ANK2: variants seen among roughly 807,000 people sequenced by gnomAD.
ANK2 encodes the protein ankyrin 2.
In ANK2, 83 loss-of-function variants were observed where a neutral mutation model predicts 360.5. The observed-to-expected ratio is 0.23, with a 90% CI of 0.19 to 0.28. The LOEUF (loss-of-function observed/expected upper bound fraction) is 0.28, where lower values mean the gene tolerates loss of function less well. ANK2 is among the 10% of genes least tolerant of loss of function. The probability of loss-of-function intolerance (pLI) is 1.00; values close to 1 mark genes in which losing one functional copy is unlikely to be tolerated. For missense variants in ANK2, 4,201 were observed against 4,795.7 expected (o/e 0.88, Z 3.66); for synonymous variants, 1,740 against 1,759.5 (o/e 0.99, Z 0.28).
chr4:113,291,839 G>C (rs1450233719), intron 20 of ANK2, among the ~76,000 whole-genome samples: 1 of 152,116 alleles, frequency 6.6e-6, no homozygotes, highest in Non-Finnish European at 1.5e-5. Flanking sequence ...CTTATTTTCA[G>C]TTTCATCACG....
the ANK2 span, among the ~76,000 whole-genome samples, chr4:112,741,148 T>C: frequency 1.3e-5 from 2 of 152,168 alleles, no homozygotes; most frequent in Non-Finnish European, 2.9e-5. Flanking sequence ...ATTCTCTTAA[T>C]GGATATTATC....
Position 113,332,850 on chromosome 4 carries a change from C to T in ANK2, c.3225-204C>T, listed in dbSNP as rs114429566. ...GGAAACATTATTTGGCTTAAGGTAG[C>T]AGCATGTACCTGAGGATTGGTGCCC... On this transcript the variant is annotated intron_variant, in intron 28 of 45. Coordinates refer to ENST00000357077, the MANE Select transcript of ANK2 (RefSeq NM_001148.6). 824 of 635,658 alleles carry T rather than the reference C, an allele frequency of 1.3e-3. 1 individual carries two copies. Among genetic ancestry groups the T allele is most frequent in the Non-Finnish European group, 1.8e-3 (663 of 364,006 alleles). 39.4% of individuals were successfully genotyped at this position (635,658 alleles called of 1,614,324 possible). A position where few individuals can be genotyped will look rare whatever the true frequency, so the allele number is the denominator to read the frequency against.
chr4:113,002,377 C>T (rs1052479897), intron 2 of ANK2, among the ~76,000 whole-genome samples: 1 of 152,204 alleles, frequency 6.6e-6, no homozygotes. Context: ...GAATACTATG[C>T]AGCCATAAAA....
chr4:113,037,049 G>A (rs1466518135), intron 2 of ANK2, among the ~76,000 whole-genome samples: 1 of 151,920 alleles, frequency 6.6e-6, no homozygotes, highest in Non-Finnish European at 1.5e-5. Context: ...GTTACTTGCA[G>A]TGGTGTATAA....
chr4:112,734,253 G>A, the ANK2 span, among the ~76,000 whole-genome samples: 2 of 152,332 alleles, frequency 1.3e-5, no homozygotes, highest in South Asian at 4.1e-4. Context: ...CTCCTTAAGA[G>A]AACAAGATGC....
intron 4 of ANK2, among the ~76,000 whole-genome samples, chr4:113,200,621 C>T (rs2098815728): frequency 6.6e-6 from 1 of 152,084 alleles, no homozygotes; most frequent in Non-Finnish European, 1.5e-5. Context: ...GGATAATGGC[C>T]CCCAGCTCCA....
chr4:112,810,157 ATATTTTTTTTT>A, the ANK2 span, among the ~76,000 whole-genome samples: 498 of 23,414 alleles, frequency 0.021, 4 homozygotes, highest in African/African-American at 0.11. Flanking sequence ...ATATATATAT[ATATTTTTTTTT>A]TTTTTTTTTT....
chr4:113,255,791 G>C lies in ANK2; in HGVS notation c.1047G>C (p.Lys349Asn). The C allele has an allele frequency of 1.2e-6, 2 of 1,614,182 alleles. No homozygotes were observed. The highest frequency in any genetic ancestry group is 8.5e-7 in the Non-Finnish European group (1 of 1,180,024). The change falls in exon 11 of 46, where the codon AAG (lysine) becomes AAC (asparagine). Residue 349 changes from lysine to asparagine, a missense_variant. By Grantham distance (94) the Lys-to-Asn change is moderately conservative. Around this residue, in one of 4 missense-constraint regions of ANK2, gnomAD observed 1,268 missense variants for 1,650.8 expected, o/e 0.77. Transcript: ENST00000357077. ...AAQGDHVECV[K>N]HLLQHKAPVD... ...AGGGAGACCACGTGGAATGTGTGAA[G>C]CACCTGTTACAGCACAAGGCACCTG...
chr4:112,757,579 T>C, the ANK2 span, among the ~76,000 whole-genome samples: 12 of 152,238 alleles, frequency 7.9e-5, no homozygotes, highest in Non-Finnish European at 1.0e-4. Context: ...TCCTGTTTTA[T>C]AGATGAGGAA....
intron 1 of ANK2, among the ~76,000 whole-genome samples, chr4:113,158,331 A>G (rs1360887968): frequency 6.6e-6 from 1 of 152,222 alleles, no homozygotes; most frequent in African/African-American, 2.4e-5. Context: ...ATCAAAACAC[A>G]TATGAGTAAT....
intron 2 of ANK2, among the ~76,000 whole-genome samples, chr4:113,005,917 A>G (rs1252786119): frequency 2.6e-5 from 4 of 152,146 alleles, no homozygotes. Context: ...CTTTCGCTAC[A>G]TGACATGCTG....
At chr4:112,763,549 C>T in the ANK2 span, among the ~76,000 whole-genome samples, 6 of 123,528 alleles carry the variant, frequency 4.9e-5, no homozygotes, top group Admixed American at 4.4e-4. Flanking sequence ...TTTCTTTTCC[C>T]CTAGTCGGAG....
the ANK2 span, among the ~76,000 whole-genome samples, chr4:112,712,103 GAC>G: frequency 6.7e-6 from 1 of 149,052 alleles, no homozygotes; most frequent in East Asian, 1.9e-4. Flanking sequence ...TTTATTTTGA[GAC>G]AGAGTCTCAC....
intron 2 of ANK2, among the ~76,000 whole-genome samples, chr4:113,183,751 C>A (rs1412130644): frequency 6.6e-6 from 1 of 151,428 alleles, no homozygotes; most frequent in Non-Finnish European, 1.5e-5. Flanking sequence ...TGGAAGTGAG[C>A]GGATAAGGTA....
chr4:113,156,756 C>A (rs1336384260), intron 1 of ANK2, among the ~76,000 whole-genome samples: 2 of 148,056 alleles, frequency 1.4e-5, no homozygotes, highest in South Asian at 2.1e-4. Flanking sequence ...ATTTTGTTTT[C>A]TTTTATAGTC....
At chr4:113,274,724 A>G (rs993803123) in intron 15 of ANK2, 75 bp downstream of exon 15, 2 of 1,489,234 alleles carry the variant, frequency 1.3e-6, no homozygotes, top group Admixed American at 3.6e-5. Context: ...TACCACATAC[A>G]GAATCAAGAG....
chr4:113,298,987 C>T (rs1209757083), intron 22 of ANK2, among the ~76,000 whole-genome samples: 1 of 152,218 alleles, frequency 6.6e-6, no homozygotes, highest in Admixed American at 6.5e-5. Flanking sequence ...CAAATACCTT[C>T]TCATGTATAA....
At chr4:112,910,637 A>AT (rs1001939080) in intron 2 of ANK2, among the ~76,000 whole-genome samples, 3 of 152,214 alleles carry the variant, frequency 2.0e-5, no homozygotes, top group African/African-American at 7.2e-5. Flanking sequence ...TGCACTGGGA[A>AT]TTGTCCAGCA....
upstream of ANK2, among the ~76,000 whole-genome samples, chr4:113,048,378 C>T (rs865834519): frequency 2.2e-5 from 3 of 136,910 alleles, no homozygotes; most frequent in East Asian, 2.1e-4. Context: ...CTGCAACCTT[C>T]GCCTCCCGAG....
Sources: allele counts gnomAD v4.1 joint callset (sites outside exome capture counted in the v4.1 genomes callset), GRCh38; gene constraint gnomAD v4.1.1; regional missense constraint gnomAD v4.1.1; transcripts MANE v1.5; gene names NCBI Gene and HGNC (gene_info 2026-07-23, HGNC 2026-07-21).